Variants in NINL observed in about 807,000 individuals in gnomAD.
The protein encoded by NINL is ninein like, also known as ninein-like protein.
In NINL, 153 loss-of-function variants were observed where a neutral mutation model predicts 160.3. That is an observed-to-expected ratio of 0.95 (90% CI 0.84 to 1.09). The LOEUF (loss-of-function observed/expected upper bound fraction) is 1.09. NINL is among the 50% of genes least tolerant of loss of function. The pLI is 0.00. For missense variants in NINL, 1,829 were observed against 1,764.0 expected, an observed-to-expected ratio of 1.04 and a Z score of -0.66; for synonymous variants, 800 against 734.8, an observed-to-expected ratio of 1.09 and a Z score of -1.43.
At chr20:25,562,013 G>A (rs576358807) in intron 1 of NINL, among the ~76,000 whole-genome samples, 31 of 142,956 alleles carry the variant, frequency 2.2e-4, no homozygotes, top group African/African-American at 3.2e-4. Flanking sequence ...CTGCCCGGCC[G>A]CCCCTACTGG....
intron 5 of NINL, among the ~76,000 whole-genome samples, chr20:25,507,581 A>G (rs983181626): frequency 6.6e-6 from 1 of 152,158 alleles, no homozygotes; most frequent in Non-Finnish European, 1.5e-5. Flanking sequence ...CTTCCACCCA[A>G]CACAGACTTT....
intron 1 of NINL, among the ~76,000 whole-genome samples, chr20:25,564,264 C>G (rs1805546848): frequency 6.6e-6 from 1 of 151,918 alleles, no homozygotes; most frequent in African/African-American, 2.4e-5. Flanking sequence ...ATTCTTCTGC[C>G]TCGGCCTCCC....
chr20:25,489,790 C>T, intron 12 of NINL, 85 bp downstream of exon 12: 3 of 1,045,322 alleles, frequency 2.9e-6, no homozygotes, highest in Non-Finnish European at 3.0e-6. Context: ...TGACCTGCCG[C>T]ATCTCTCCCT....
intron 7 of NINL, 85 bp downstream of exon 7, chr20:25,503,867 C>T: frequency 1.3e-6 from 2 of 1,519,186 alleles, no homozygotes; most frequent in Admixed American, 1.7e-5. Context: ...TGTGGTGACA[C>T]AGGCAGGGAG....
Position 25,529,393 on chromosome 20 carries a change from A to C in NINL, c.-11-2795T>G, listed in dbSNP as rs1452399088. 1.4e-4 allele frequency among the ~76,000 whole-genome samples: 22 copies of C among 152,262 alleles called. 1 individual carries two copies. The highest frequency in any genetic ancestry group is 1.4e-3 in the Admixed American group (22 of 15,290). On this transcript the variant is annotated intron_variant, in intron 1 of 23. Transcript: ENST00000278886. ...GCTGTTAAAAACAGCCAGTATCTAC[A>C]CTGAGAATGAACAAACCGGTTCATA...
chr20:25,500,642 T>A (rs555478245), intron 8 of NINL, among the ~76,000 whole-genome samples, 198 bp downstream of exon 8: 16 of 152,380 alleles, frequency 1.1e-4, no homozygotes, highest in African/African-American at 3.4e-4. Context: ...CTTATCTTTT[T>A]AAATTATAAT....
chr20:25,537,902 C>T (rs1379550142), intron 1 of NINL, among the ~76,000 whole-genome samples: 3 of 152,196 alleles, frequency 2.0e-5, no homozygotes, highest in Non-Finnish European at 4.4e-5. Flanking sequence ...TACTTGCAGC[C>T]ACACATCTAC....
chr20:25,486,727 G>A (rs1427692354), intron 13 of NINL, among the ~76,000 whole-genome samples: 2 of 152,220 alleles, frequency 1.3e-5, no homozygotes, highest in Admixed American at 6.5e-5. Flanking sequence ...GAGAACACAA[G>A]CTTGGGCTCA....
chr20:25,476,456 TCCCA>T lies in NINL; in HGVS notation c.2831_2834del (p.Leu944GlnfsTer18), dbSNP rs756661601. ...GGGTTTGCGAGGCGTCTCTCTCTGT[TCCCA>T]GCAGAGGCAGCTCCCGGGCTCCAGG... On this transcript the variant is annotated frameshift_variant, in exon 17 of 24. Coordinates refer to ENST00000278886, the MANE Select transcript of NINL (RefSeq NM_025176.6). LOFTEE classifies it high-confidence loss of function. 41 of 1,607,950 alleles carry T rather than the reference TCCCA, an allele frequency of 2.5e-5. No individual in the cohort carries two copies. The highest frequency in any genetic ancestry group is 1.6e-4 in the Middle Eastern group (1 of 6,080).
At chr20:25,543,040 C>CA (rs11480769) in intron 1 of NINL, among the ~76,000 whole-genome samples, 59,089 of 130,462 alleles carry the variant, frequency 0.45, 13,514 homozygotes, top group East Asian at 0.88. Context: ...ACTCCGTCTT[C>CA]AAAAAAAAAA....
intron 1 of NINL, among the ~76,000 whole-genome samples, chr20:25,554,806 AAAACAAAC>A (rs555460073): frequency 3.3e-5 from 5 of 152,030 alleles, no homozygotes; most frequent in South Asian, 4.2e-4. Flanking sequence ...AACCATCTTA[AAAACAAAC>A]AAACAAACAA....
Position 25,478,955 on chromosome 20 carries a change from G to A in NINL, c.2169C>T (p.Ala723=), listed in dbSNP as rs2063325954. 7.6e-6 allele frequency: 12 copies of A among 1,579,390 alleles called. No individual in the cohort carries two copies. The highest frequency in any genetic ancestry group is 1.3e-5 in the African/African-American group (1 of 74,408). The change falls in exon 16 of 24, where the codon GCC becomes GCT. Residue 723 remains alanine, a synonymous_variant. Coordinates refer to ENST00000278886, the MANE Select transcript of NINL (RefSeq NM_025176.6). ...PCCTQALCGL[A]LRHHSHLQQI... The stretch of plus-strand genomic sequence containing the variant: ...GCTGCAGGTGGCTGTGATGCCGCAG[G>A]GCCAGGCCACACAGTGCCTGGGTGC...
At chr20:25,524,604 G>A (rs1032978916) in intron 2 of NINL, among the ~76,000 whole-genome samples, 1 of 152,152 alleles carries the variant, frequency 6.6e-6, no homozygotes, top group African/African-American at 2.4e-5. Flanking sequence ...GCTTTTCAGG[G>A]TGCGTGTGAC....
chr20:25,507,093 T>G (rs2146840973), intron 5 of NINL, among the ~76,000 whole-genome samples: 1 of 152,292 alleles, frequency 6.6e-6, no homozygotes, highest in Non-Finnish European at 1.5e-5. Context: ...CCATAGCCCA[T>G]GCCTTTTTAA....
At chr20:25,526,312 A>G in intron 2 of NINL, 96 bp downstream of exon 2, 3 of 1,126,924 alleles carry the variant, frequency 2.7e-6, no homozygotes, top group Non-Finnish European at 3.8e-6. Context: ...TTCCTTTGAC[A>G]CTTGAATCCT....
intron 11 of NINL, among the ~76,000 whole-genome samples, chr20:25,490,396 T>TA (rs1448349279): frequency 6.6e-6 from 1 of 151,830 alleles, no homozygotes; most frequent in Non-Finnish European, 1.5e-5. Flanking sequence ...CCATCTCTAC[T>TA]AAAAATACAA....
At chr20:25,545,697 A>C (rs1408360434) in intron 1 of NINL, among the ~76,000 whole-genome samples, 1 of 152,232 alleles carries the variant, frequency 6.6e-6, no homozygotes. Context: ...GCTTGACTCT[A>C]GCACAGCATC....
intron 2 of NINL, among the ~76,000 whole-genome samples, chr20:25,524,907 ATAT>A (rs2064329496): frequency 1.0e-5 from 1 of 99,144 alleles, no homozygotes; most frequent in African/African-American, 6.4e-5. Context: ...AAATTAAAAT[ATAT>A]ATATATATAT....
intron 3 of NINL, 132 bp from the exon 4 acceptor site, chr20:25,513,138 A>G: frequency 1.2e-6 from 1 of 803,366 alleles, no homozygotes; most frequent in East Asian, 2.7e-5. Flanking sequence ...TGCTCTGCAC[A>G]CAGAAGCATC....
Sources: gnomAD v4.1 joint callset for allele counts (sites outside exome capture counted in the v4.1 genomes callset) on GRCh38, gnomAD v4.1.1 for gene constraint, MANE v1.5 for transcripts, NCBI Gene and HGNC (gene_info 2026-07-23, HGNC 2026-07-21) for gene names.